TMED10: variants seen among roughly 807,000 people sequenced by gnomAD.
TMED10 encodes the protein transmembrane p24 trafficking protein 10.
A neutral mutation model predicts 23.1 loss-of-function variants in TMED10; 7 were observed. The ratio of observed to expected loss-of-function variants is 0.30; its 90% CI spans 0.17 to 0.57. The LOEUF (loss-of-function observed/expected upper bound fraction) is 0.57, where lower values mean the gene tolerates loss of function less well. Ranked by LOEUF, TMED10 falls within the 20% of genes least tolerant of loss-of-function variation. The pLI is 0.91. For missense variants in TMED10, 162 were observed against 274.8 expected (o/e 0.59, Z 2.90); for synonymous variants, 113 against 106.9 (o/e 1.06, Z -0.35).
At chr14:75,172,498 C>T (rs1009138738) in intron 1 of TMED10, among the ~76,000 whole-genome samples, 27 of 151,912 alleles carry the variant, frequency 1.8e-4, no homozygotes, top group African/African-American at 5.6e-4. Context: ...TTAGTAGAGA[C>T]GGGGTTTCAC....
At position 75,134,684 on chromosome 14, in the gene TMED10, A is replaced by G. The variant is rs1895726122; in HGVS notation, c.*201T>C. ...TTGTTGCAAAACCAGTCAAAATCCT[A>G]CCAAATTAAAAAGAAGTCCCTCATT... On this transcript the variant is annotated 3_prime_UTR_variant, in exon 5 of 5. Coordinates refer to ENST00000303575, the MANE Select transcript of TMED10 (RefSeq NM_006827.6). 1 of 600,454 alleles carries G rather than the reference A, an allele frequency of 1.7e-6. No individual in the cohort carries two copies. The highest frequency in any genetic ancestry group is 1.9e-5 in the African/African-American group (1 of 53,608). The allele number at this position is 600,454 out of a possible 1,614,324, so 37.2% of individuals were successfully genotyped here. A position where few individuals can be genotyped will look rare whatever the true frequency, so the allele number is the denominator to read the frequency against.
intron 3 of TMED10, among the ~76,000 whole-genome samples, chr14:75,147,185 GTTTT>G (rs71119349): frequency 2.6e-5 from 3 of 116,628 alleles, no homozygotes; most frequent in African/African-American, 1.1e-4. Flanking sequence ...CTTCAAGGCT[GTTTT>G]TTTTTTTTTT....
At position 75,176,459 on chromosome 14, in the gene TMED10, G is replaced by C. The variant is rs774068251; in HGVS notation, c.121C>G (p.Arg41Gly). The C allele has an allele frequency of 6.2e-7, 1 of 1,614,218 alleles. No homozygotes were observed. The highest frequency in any genetic ancestry group is 8.5e-7 in the Non-Finnish European group (1 of 1,180,038). The change falls in exon 1 of 5, where the codon CGC becomes GGC. Residue 41 changes from arginine (R) to glycine (G), a missense_variant. Coordinates refer to ENST00000303575, the MANE Select transcript of TMED10 (RefSeq NM_006827.6). ...TGAATCTCCTCACGGAGGCACTTGC[G>C]AGAGTTAATGGGCAGATGGAAGGAG... Reference protein sequence around the residue: ...AISFHLPINSRKCLREEIHKD... With the variant: ...AISFHLPINSGKCLREEIHKD...
intron 4 of TMED10, 118 bp downstream of exon 4, chr14:75,135,642 A>G (rs2139829291): frequency 6.4e-6 from 9 of 1,411,186 alleles, no homozygotes; most frequent in Non-Finnish European, 7.6e-6. Flanking sequence ...GAAGCAAGCA[A>G]TTTCCCCTCC....
At chr14:75,164,532 A>ATATAT (rs1896126175) in intron 1 of TMED10, among the ~76,000 whole-genome samples, 1 of 54,462 alleles carries the variant, frequency 1.8e-5, no homozygotes, top group African/African-American at 6.9e-5. Flanking sequence ...CACCTGGCCT[A>ATATAT]ATATATATAT....
intron 1 of TMED10, among the ~76,000 whole-genome samples, chr14:75,161,053 A>C (rs1209157263): frequency 6.6e-6 from 1 of 152,228 alleles, no homozygotes; most frequent in Non-Finnish European, 1.5e-5. Flanking sequence ...CAAGAAAAAA[A>C]GAGAAGGAAA....
chr14:75,151,990 G>T, intron 2 of TMED10, 42 bp downstream of exon 2: 1 of 1,518,336 alleles, frequency 6.6e-7, no homozygotes, highest in Non-Finnish European at 9.1e-7. Context: ...CATTAGAGTT[G>T]GAGAAGATTC....
At chr14:75,145,177 C>G (rs1203880759) in intron 3 of TMED10, among the ~76,000 whole-genome samples, 4 of 152,194 alleles carry the variant, frequency 2.6e-5, no homozygotes, top group Admixed American at 6.5e-5. Flanking sequence ...TGTGTTGTAA[C>G]TACATGCGTA....
intron 1 of TMED10, among the ~76,000 whole-genome samples, chr14:75,163,079 T>A (rs2359613): frequency 0.42 from 61,053 of 146,860 alleles, 12,799 homozygotes; most frequent in Middle Eastern, 0.51. Flanking sequence ...TAAAAATAAT[T>A]AAAAAAAAAA....
rs1895721285 is a variant in TMED10 at position 75,134,238 on chromosome 14, A to G, written c.*647T>C. 1.9e-5 allele frequency: 3 copies of G among 153,934 alleles called. No individual in the cohort carries two copies. Among genetic ancestry groups the G allele is most frequent in the Non-Finnish European group, 4.4e-5 (3 of 68,908 alleles). 9.5% of individuals were successfully genotyped at this position (153,934 alleles called of 1,614,324 possible). On this transcript the variant is annotated 3_prime_UTR_variant, in exon 5 of 5. Transcript: ENST00000303575. The stretch of plus-strand genomic sequence containing the variant: ...CATAGAATTAAATACACATACACGA[A>G]AAAAGTTCAAGCAGTTGAGCACAAA...
At chr14:75,159,734 A>C (rs1446765633) in intron 1 of TMED10, among the ~76,000 whole-genome samples, 1 of 152,214 alleles carries the variant, frequency 6.6e-6, no homozygotes, top group Admixed American at 6.5e-5. Flanking sequence ...TTTCTGAAAG[A>C]CTTCAGGAAA....
chr14:75,159,462 T>C (rs1896061127), intron 1 of TMED10, among the ~76,000 whole-genome samples: 1 of 152,240 alleles, frequency 6.6e-6, no homozygotes, highest in Admixed American at 6.5e-5. Flanking sequence ...GACTAAGTCA[T>C]TGGCCTAGGA....
intron 1 of TMED10, 111 bp downstream of exon 1, chr14:75,176,244 G>T (rs1028002450): frequency 8.7e-5 from 118 of 1,349,752 alleles, no homozygotes; most frequent in Non-Finnish European, 1.1e-4. Flanking sequence ...GCGCTCCCGG[G>T]AGGCCAGAAC....
chr14:75,174,347 A>G (rs767499185), intron 1 of TMED10, among the ~76,000 whole-genome samples: 21 of 152,200 alleles, frequency 1.4e-4, no homozygotes, highest in Non-Finnish European at 2.1e-4. Flanking sequence ...GAAGAGCACA[A>G]CAAAGCATGT....
At chr14:75,164,294 C>T (rs981540412) in intron 1 of TMED10, among the ~76,000 whole-genome samples, 4 of 145,818 alleles carry the variant, frequency 2.7e-5, no homozygotes, top group African/African-American at 1.0e-4. Flanking sequence ...TGCAGTGGCA[C>T]GATCAGAGCT....
chr14:75,164,892 A>G (rs1157761764), intron 1 of TMED10, among the ~76,000 whole-genome samples: 1 of 151,810 alleles, frequency 6.6e-6, no homozygotes, highest in Non-Finnish European at 1.5e-5. Context: ...GATTTAGAAA[A>G]TGAAAGGATA....
At position 75,134,939 on chromosome 14, in the gene TMED10, G is replaced by C; in HGVS notation, c.606C>G (p.Thr202=). ...AGCGTCGCAGGTAGAAGACCTGCCAGGTAGCTAGTCCAATGAGACAGAACA... is the reference window on the plus strand; with the variant it reads ...AGCGTCGCAGGTAGAAGACCTGCCACGTAGCTAGTCCAATGAGACAGAACA... ...FSMFCLIGLA[T]WQVFYLRRFF... is the part of the protein sequence containing the mutation. Residue 202 remains threonine, a synonymous_variant, in exon 5 of 5, where the codon ACC becomes ACG. Transcript: ENST00000303575. 1 of 1,614,032 alleles carries C rather than the reference G, an allele frequency of 6.2e-7. No homozygotes were observed. Among genetic ancestry groups the C allele is most frequent in the Non-Finnish European group, 8.5e-7 (1 of 1,179,952 alleles).
intron 3 of TMED10, among the ~76,000 whole-genome samples, chr14:75,143,150 C>T (rs1443867371): frequency 2.6e-5 from 4 of 152,044 alleles, no homozygotes; most frequent in East Asian, 1.9e-4. Flanking sequence ...TGAGCCACCG[C>T]GCCCAGCCTG....
At chr14:75,176,245 A>C in intron 1 of TMED10, 110 bp downstream of exon 1, 2 of 1,345,426 alleles carry the variant, frequency 1.5e-6, no homozygotes, top group South Asian at 1.3e-5. Context: ...CGCTCCCGGG[A>C]GGCCAGAACA....
Sources: allele counts gnomAD v4.1 joint callset (sites outside exome capture counted in the v4.1 genomes callset), GRCh38; gene constraint gnomAD v4.1.1; transcripts MANE v1.5; gene names NCBI Gene and HGNC (gene_info 2026-07-23, HGNC 2026-07-21).